The following NBAS variants were observed in gnomAD, a reference collection of about 807,000 sequenced individuals.
NBAS encodes the protein NBAS subunit of NRZ tethering complex.
A neutral mutation model predicts 302.5 loss-of-function variants in NBAS; 219 were observed. That is an observed-to-expected ratio of 0.72 (90% CI 0.65 to 0.81). NBAS has a LOEUF of 0.81. Ranked by LOEUF, NBAS falls within the 30% of genes least tolerant of loss-of-function variation. NBAS has a pLI of 0.00. For synonymous variants in NBAS, 1,118 were observed against 1,021.6 expected (o/e 1.09, Z -1.80); for missense variants, 2,932 against 2,841.6 (o/e 1.03, Z -0.72).
chr2:15,002,392 T>A, the NBAS span, among the ~76,000 whole-genome samples: 2 of 152,284 alleles, frequency 1.3e-5, no homozygotes, highest in South Asian at 4.1e-4. Context: ...ATCCCTGAGC[T>A]GGACATAAAG....
chr2:15,045,824 A>G, the NBAS span, among the ~76,000 whole-genome samples: 1 of 152,160 alleles, frequency 6.6e-6, no homozygotes, highest in Admixed American at 6.5e-5. Context: ...TTGCATTCCC[A>G]CTAACAGTCT....
At chr2:14,860,380 T>G in the NBAS span, among the ~76,000 whole-genome samples, 1 of 152,172 alleles carries the variant, frequency 6.6e-6, no homozygotes, top group African/African-American at 2.4e-5. Flanking sequence ...GACATCTGCA[T>G]TCTCACGCAT....
At chr2:15,237,602 A>G (rs1006568772) in intron 45 of NBAS, among the ~76,000 whole-genome samples, 1 of 138,376 alleles carries the variant, frequency 7.2e-6, no homozygotes, top group African/African-American at 2.7e-5. Flanking sequence ...TTATTTATTT[A>G]TTTATTTATC....
chr2:14,897,326 A>T, the NBAS span, among the ~76,000 whole-genome samples: 1 of 152,170 alleles, frequency 6.6e-6, no homozygotes, highest in Non-Finnish European at 1.5e-5. Context: ...CTAAGGAGAG[A>T]AGTTTGATAA....
At position 15,329,285 on chromosome 2, in the gene NBAS, A is replaced by G. The variant is rs566799467; in HGVS notation, c.4348-973T>C. ...ATTTAATAGCGTCTCACTAAACGGCATCTTCATTTATCCAACTGTTTGGAC... is the reference window on the plus strand; with the variant it reads ...ATTTAATAGCGTCTCACTAAACGGCGTCTTCATTTATCCAACTGTTTGGAC... On this transcript the variant is annotated intron_variant, in intron 36 of 51. Coordinates refer to ENST00000281513, the MANE Select transcript of NBAS (RefSeq NM_015909.4). Among the ~76,000 whole-genome samples, 3 of 152,304 alleles carry G rather than the reference A, an allele frequency of 2.0e-5. No individual in the cohort carries two copies. In the South Asian group the frequency reaches 6.2e-4, roughly 32 times the overall value.
the NBAS span, among the ~76,000 whole-genome samples, chr2:14,972,073 GAACA>G: frequency 6.6e-6 from 1 of 151,970 alleles, no homozygotes; most frequent in Non-Finnish European, 1.5e-5. Context: ...TGTCAATCCT[GAACA>G]AACAAAATGT....
chr2:14,961,014 T>C, the NBAS span, among the ~76,000 whole-genome samples: 2 of 152,054 alleles, frequency 1.3e-5, no homozygotes, highest in Non-Finnish European at 2.9e-5. Context: ...GAGGCGGCCA[T>C]CAATACCCAA....
At chr2:14,790,651 T>G in the NBAS span, among the ~76,000 whole-genome samples, 2 of 102,944 alleles carry the variant, frequency 1.9e-5, no homozygotes, top group Non-Finnish European at 3.5e-5. Context: ...ATTCATGCCT[T>G]TTTTTTTTTT....
chr2:15,290,746 A>G (rs902417952), intron 41 of NBAS, among the ~76,000 whole-genome samples: 5 of 152,216 alleles, frequency 3.3e-5, no homozygotes, highest in Non-Finnish European at 4.4e-5. Context: ...AAATGACGTT[A>G]TGAAATTATG....
the NBAS span, among the ~76,000 whole-genome samples, chr2:14,838,327 A>G: frequency 6.6e-6 from 1 of 151,880 alleles, no homozygotes; most frequent in East Asian, 1.9e-4. Context: ...TATGTGTTTC[A>G]CTTGCTATTA....
At chr2:15,096,664 G>A in the NBAS span, among the ~76,000 whole-genome samples, 1 of 152,132 alleles carries the variant, frequency 6.6e-6, no homozygotes. Flanking sequence ...ATGTTACCAA[G>A]CACCTATGAC....
At chr2:15,224,929 TGA>T (rs1455479096) in intron 47 of NBAS, among the ~76,000 whole-genome samples, 1 of 152,138 alleles carries the variant, frequency 6.6e-6, no homozygotes, top group Non-Finnish European at 1.5e-5. Context: ...TCAGCTCCCA[TGA>T]AACAATCGGG....
chr2:15,561,185 C>A lies in NBAS; in HGVS notation c.117+3G>T. The A allele has an allele frequency of 6.2e-7, 1 of 1,612,986 alleles. No homozygotes were observed. Among genetic ancestry groups the A allele is most frequent in the Non-Finnish European group, 8.5e-7 (1 of 1,179,502 alleles). ...GCTGCTGCTGTAGATGGGCCTGGTT[C>A]ACCTGTACTTCAGTCTCCGGTGGCC... is the stretch of plus-strand genomic sequence containing the variant. On this transcript the variant is annotated splice_donor_region_variant and intron_variant, in intron 1 of 51. Coordinates refer to ENST00000281513, the MANE Select transcript of NBAS (RefSeq NM_015909.4).
At chr2:15,229,520 G>A (rs1667291898) in intron 47 of NBAS, among the ~76,000 whole-genome samples, 1 of 151,888 alleles carries the variant, frequency 6.6e-6, no homozygotes, top group African/African-American at 2.4e-5. Flanking sequence ...AGTGGCTCAT[G>A]CCTGTAATCC....
chr2:15,391,761 T>C (rs1374215682), intron 28 of NBAS, among the ~76,000 whole-genome samples: 1 of 151,366 alleles, frequency 6.6e-6, no homozygotes, highest in Non-Finnish European at 1.5e-5. Context: ...ACATTCACAA[T>C]AGCAATTTAA....
the NBAS span, among the ~76,000 whole-genome samples, chr2:15,028,917 A>T: frequency 6.6e-6 from 1 of 152,192 alleles, no homozygotes; most frequent in Non-Finnish European, 1.5e-5. Flanking sequence ...CCCAGTCTAG[A>T]ATGTGACTGG....
intron 32 of NBAS, among the ~76,000 whole-genome samples, chr2:15,356,656 G>T (rs1393574854): frequency 1.3e-5 from 2 of 152,220 alleles, no homozygotes; most frequent in East Asian, 3.9e-4. Context: ...ACCCAAACCA[G>T]GAAGTCCAAA....
Position 15,468,413 on chromosome 2 carries a change from A to G in NBAS, c.1846T>C (p.Leu616=), listed in dbSNP as rs144332142. The G allele has an allele frequency of 3.0e-4, 492 of 1,614,084 alleles. 1 individual carries two copies. The African/African-American group carries it at 5.9e-3, about 19-fold the overall frequency. The change falls in exon 17 of 52, where the codon TTA becomes CTA. Residue 616 remains leucine, a synonymous_variant. Transcript: ENST00000281513. ...GLKGTDLEAL[L]AIGKGADDGR... ...TCATCTGCTCCTTTCCCTATTGCTA[A>G]AAGAGCCTCCAGGTCTGTGCCTTTT...
the NBAS span, among the ~76,000 whole-genome samples, chr2:14,921,706 A>AGT: frequency 2.0e-5 from 3 of 152,050 alleles, no homozygotes; most frequent in Non-Finnish European, 4.4e-5. Context: ...TGAATAAGCG[A>AGT]GTGTGTGTGT....
Sources: allele counts gnomAD v4.1 joint callset (sites outside exome capture counted in the v4.1 genomes callset), GRCh38; gene constraint gnomAD v4.1.1; transcripts MANE v1.5; gene names NCBI Gene and HGNC (gene_info 2026-07-23, HGNC 2026-07-21).